Variants in E2F5 observed in about 807,000 individuals in gnomAD.
E2F5 encodes the protein E2F transcription factor 5.
Under a neutral mutation model 39.1 loss-of-function variants are expected in E2F5, and 23 were observed. That is an observed-to-expected ratio of 0.59 (90% CI 0.42 to 0.83). The LOEUF (loss-of-function observed/expected upper bound fraction) is 0.83. E2F5 is among the 40% of genes least tolerant of loss of function. The probability of loss-of-function intolerance (pLI) is 0.00; values close to 1 mark genes in which losing one functional copy is unlikely to be tolerated. For missense variants in E2F5, 365 were observed against 406.7 expected (o/e 0.90, Z 0.88); for synonymous variants, 145 against 157.8 (o/e 0.92, Z 0.61).
chr8:85,182,631 A>G (rs1428901950), intron 1 of E2F5, among the ~76,000 whole-genome samples: 1 of 152,222 alleles, frequency 6.6e-6, no homozygotes, highest in East Asian at 1.9e-4. Context: ...AAATTAAACT[A>G]GGATTTCACT....
At chr8:85,183,352 G>T (rs183310644) in intron 1 of E2F5, among the ~76,000 whole-genome samples, 2 of 152,208 alleles carry the variant, frequency 1.3e-5, no homozygotes, top group Non-Finnish European at 2.9e-5. Context: ...GTAGGACAGC[G>T]AGAACTTTAG....
chr8:85,192,908 A>G (rs563638159), intron 1 of E2F5, among the ~76,000 whole-genome samples: 1 of 152,316 alleles, frequency 6.6e-6, no homozygotes, highest in East Asian at 1.9e-4. Flanking sequence ...TTTTCCAAAA[A>G]TGGGACAATA....
At chr8:85,184,932 A>G (rs902149440) in intron 1 of E2F5, among the ~76,000 whole-genome samples, 51 of 152,238 alleles carry the variant, frequency 3.4e-4, no homozygotes, top group African/African-American at 1.2e-3. Flanking sequence ...ACATGGCCAT[A>G]CTGCCCAAAG....
chr8:85,178,079 TA>T (rs1467627670), intron 1 of E2F5: 1 of 152,280 alleles, frequency 6.6e-6, no homozygotes, highest in African/African-American at 2.4e-5. Context: ...TGGATGGTTT[TA>T]ATAGGCGATT....
intron 5 of E2F5, among the ~76,000 whole-genome samples, chr8:85,208,836 G>A (rs1812852816): frequency 6.6e-6 from 1 of 152,166 alleles, no homozygotes; most frequent in South Asian, 2.1e-4. Flanking sequence ...AATACCTGGA[G>A]CATTGCTGGG....
chr8:85,181,463 T>G (rs1812211541), intron 1 of E2F5, among the ~76,000 whole-genome samples: 1 of 150,446 alleles, frequency 6.6e-6, no homozygotes, highest in African/African-American at 2.4e-5. Context: ...CCTGAGTAGC[T>G]GGGACTACAG....
At chr8:85,213,353 A>T (rs996208809) in intron 7 of E2F5, 2 of 154,470 alleles carry the variant, frequency 1.3e-5, no homozygotes, top group African/African-American at 4.8e-5. Context: ...CATCCTGGCT[A>T]ACATGGTGAA....
intron 1 of E2F5, among the ~76,000 whole-genome samples, chr8:85,190,250 A>C (rs4150888): frequency 0.018 from 2,689 of 151,916 alleles, 40 homozygotes; most frequent in East Asian, 0.061. Context: ...GTGAAAACAC[A>C]CACACACACA....
intron 1 of E2F5, 157 bp downstream of exon 1, chr8:85,177,811 C>T (rs1587476647): frequency 8.8e-7 from 1 of 1,133,360 alleles, no homozygotes; most frequent in African/African-American, 1.6e-5. Context: ...GCGCCCGGGT[C>T]GTGGACGCCG....
At chr8:85,212,639 T>TATCA (rs1387707306) in intron 7 of E2F5, 11 of 153,528 alleles carry the variant, frequency 7.2e-5, no homozygotes, top group African/African-American at 2.6e-4. Context: ...AATTATTAAA[T>TATCA]ATCAGTTAGC....
At chr8:85,196,549 C>T (rs1379083231) in intron 1 of E2F5, among the ~76,000 whole-genome samples, 1 of 152,158 alleles carries the variant, frequency 6.6e-6, no homozygotes, top group Admixed American at 6.5e-5. Context: ...TTCTTCAATG[C>T]AGTTATATAA....
At chr8:85,205,321 C>A (rs1812779057) in intron 3 of E2F5, among the ~76,000 whole-genome samples, 1 of 152,044 alleles carries the variant, frequency 6.6e-6, no homozygotes, top group Admixed American at 6.5e-5. Context: ...CTGCAACCTC[C>A]ACCCCCCGGG....
intron 7 of E2F5, 180 bp from the exon 8 acceptor site, chr8:85,213,573 C>G: frequency 9.8e-5 from 14 of 143,546 alleles, no homozygotes; most frequent in East Asian, 2.0e-4. Context: ...AAAAAATTAA[C>G]TTCTGTTTCT....
chr8:85,190,573 G>C (rs541016454), intron 1 of E2F5, among the ~76,000 whole-genome samples: 1 of 126,080 alleles, frequency 7.9e-6, no homozygotes, highest in Non-Finnish European at 1.6e-5. Context: ...GTGTGATCTC[G>C]GCTCACTGCA....
intron 1 of E2F5, among the ~76,000 whole-genome samples, chr8:85,180,107 A>G (rs1243423775): frequency 2.1e-5 from 3 of 144,960 alleles, no homozygotes; most frequent in Admixed American, 1.4e-4. Flanking sequence ...TGCAACCTCC[A>G]CCTCCCGGGT....
chr8:85,185,649 A>T lies in E2F5; in HGVS notation c.234+7995A>T, dbSNP rs148343600. 4.6e-5 allele frequency among the ~76,000 whole-genome samples: 7 copies of T among 152,326 alleles called. No individual in the cohort carries two copies. In the East Asian group the frequency reaches 1.3e-3, roughly 29 times the overall value. On this transcript the variant is annotated intron_variant, in intron 1 of 7. Transcript: ENST00000416274. ...AGTTCATATCCAGGATCTGCAAAGA[A>T]CTTAGACGAATTTACAATAAAAAAC...
At chr8:85,192,063 G>T (rs989167648) in intron 1 of E2F5, among the ~76,000 whole-genome samples, 3 of 152,106 alleles carry the variant, frequency 2.0e-5, no homozygotes, top group African/African-American at 7.2e-5. Context: ...GAGAGATTCT[G>T]GTGACTTCAC....
chr8:85,194,583 G>A (rs909127538), intron 1 of E2F5, among the ~76,000 whole-genome samples: 3 of 137,316 alleles, frequency 2.2e-5, no homozygotes, highest in African/African-American at 8.4e-5. Context: ...CACCCAGGCT[G>A]GAGTGCAGTG....
chr8:85,210,388 G>C (rs4150966), intron 6 of E2F5, among the ~76,000 whole-genome samples: 8 of 152,124 alleles, frequency 5.3e-5, no homozygotes, highest in Admixed American at 2.6e-4. Flanking sequence ...AATAGAAAAG[G>C]TAGTGCTGGC....
Sources: allele counts gnomAD v4.1 joint callset (sites outside exome capture counted in the v4.1 genomes callset), GRCh38; gene constraint gnomAD v4.1.1; transcripts MANE v1.5; gene names NCBI Gene and HGNC (gene_info 2026-07-23, HGNC 2026-07-21).